VPS53: variants seen among roughly 807,000 people sequenced by gnomAD.
VPS53 encodes VPS53 subunit of GARP complex.
A neutral mutation model predicts 107.0 loss-of-function variants in VPS53; 70 were observed. The ratio of observed to expected loss-of-function variants is 0.65; its 90% CI spans 0.54 to 0.80. VPS53 has a LOEUF of 0.80. Among genes scored for constraint, VPS53 ranks in the 30% least tolerant of loss-of-function variants. VPS53 has a pLI of 0.00. For synonymous variants in VPS53, 409 were observed against 393.3 expected (o/e 1.04, Z -0.47); for missense variants, 917 against 1,049.4 (o/e 0.87, Z 1.74).
intron 17 of VPS53, among the ~76,000 whole-genome samples, chr17:549,949 T>C (rs774344726): frequency 2.0e-5 from 3 of 152,378 alleles, no homozygotes; most frequent in Admixed American, 6.5e-5. Flanking sequence ...GGTTTTAATC[T>C]TATTTTTGTT....
chr17:676,751 G>A (rs761312116), intron 4 of VPS53, among the ~76,000 whole-genome samples: 65 of 152,188 alleles, frequency 4.3e-4, no homozygotes, highest in Non-Finnish European at 8.8e-4. Context: ...CAATAATCAT[G>A]TTGCAGAAAA....
chr17:616,043 C>T (rs1969119519), intron 11 of VPS53: 1 of 152,302 alleles, frequency 6.6e-6, no homozygotes, highest in Admixed American at 6.5e-5. Context: ...GCCTTCACGT[C>T]TCCTCACAGC....
At chr17:601,586 C>T (rs1359228075) in intron 12 of VPS53, among the ~76,000 whole-genome samples, 1 of 152,206 alleles carries the variant, frequency 6.6e-6, no homozygotes, top group East Asian at 1.9e-4. Flanking sequence ...GGAGGCGGGG[C>T]TCTTCAGGAG....
chr17:568,417 G>A (rs1913742002), intron 13 of VPS53, among the ~76,000 whole-genome samples: 1 of 111,116 alleles, frequency 9.0e-6, no homozygotes, highest in African/African-American at 4.4e-5. Context: ...AATTTTTGTG[G>A]GCTTTTTTTT....
chr17:535,237 A>C (rs1463469877), intron 18 of VPS53, among the ~76,000 whole-genome samples: 2 of 152,236 alleles, frequency 1.3e-5, no homozygotes, highest in Non-Finnish European at 2.9e-5. Flanking sequence ...GGGGCATCCA[A>C]TTCCCAGCGC....
chr17:561,637 A>T (rs1232703571), intron 14 of VPS53, among the ~76,000 whole-genome samples: 1 of 152,048 alleles, frequency 6.6e-6, no homozygotes, highest in Non-Finnish European at 1.5e-5. Flanking sequence ...TTATTTATTT[A>T]TTTATTTTTT....
At chr17:598,215 G>A (rs1968084231) in intron 12 of VPS53, among the ~76,000 whole-genome samples, 1 of 152,162 alleles carries the variant, frequency 6.6e-6, no homozygotes, top group Admixed American at 6.5e-5. Context: ...CGCCAGCCTC[G>A]GCCTCCCGAG....
intron 5 of VPS53, chr17:656,688 G>A: frequency 1.7e-6 from 1 of 596,368 alleles, no homozygotes. Flanking sequence ...CTTGGTCCAT[G>A]CTGACTAAGA....
intron 15 of VPS53, among the ~76,000 whole-genome samples, chr17:557,145 G>A (rs758639188): frequency 8.5e-5 from 13 of 152,096 alleles, no homozygotes; most frequent in African/African-American, 2.9e-4. Flanking sequence ...GAGCCACCGC[G>A]CCCCCACTCT....
chr17:642,428 G>C (rs75771903), intron 7 of VPS53, among the ~76,000 whole-genome samples: 19 of 147,378 alleles, frequency 1.3e-4, no homozygotes, highest in Admixed American at 2.0e-4. Flanking sequence ...TACTTGGAAA[G>C]CGAGGACAAC....
intron 7 of VPS53, among the ~76,000 whole-genome samples, chr17:632,271 C>CAACA (rs1461101376): frequency 2.0e-5 from 3 of 152,078 alleles, no homozygotes; most frequent in African/African-American, 7.3e-5. Context: ...TAACAAACAA[C>CAACA]AACAAATAAA....
At chr17:597,388 G>T (rs1402556517) in intron 12 of VPS53, among the ~76,000 whole-genome samples, 2 of 152,148 alleles carry the variant, frequency 1.3e-5, no homozygotes, top group Non-Finnish European at 2.9e-5. Flanking sequence ...GGAGATCCTG[G>T]GGCGCCCACC....
chr17:604,938 G>A (rs1273285208), intron 11 of VPS53, among the ~76,000 whole-genome samples: 2 of 152,304 alleles, frequency 1.3e-5, no homozygotes, highest in South Asian at 4.1e-4. Context: ...CCCTCATGGA[G>A]ATTAGAGTCT....
At chr17:660,888 G>A (rs1289616306) in intron 5 of VPS53, among the ~76,000 whole-genome samples, 1 of 152,208 alleles carries the variant, frequency 6.6e-6, no homozygotes, top group African/African-American at 2.4e-5. Context: ...ACATTATTGA[G>A]TCTGAATCTG....
chr17:620,195 T>C (rs960549605), intron 11 of VPS53, among the ~76,000 whole-genome samples: 1 of 152,226 alleles, frequency 6.6e-6, no homozygotes, highest in Non-Finnish European at 1.5e-5. Context: ...TGAGCCCAAG[T>C]AGGCAGGACC....
intron 15 of VPS53, among the ~76,000 whole-genome samples, chr17:558,821 TA>T (rs35915328): frequency 0.066 from 8,907 of 134,932 alleles, 427 homozygotes; most frequent in East Asian, 0.25. Context: ...CCATCTCTAC[TA>T]AAAAAAAAAA....
intron 9 of VPS53, among the ~76,000 whole-genome samples, chr17:627,532 C>T (rs973682865): frequency 1.3e-5 from 2 of 152,168 alleles, no homozygotes; most frequent in Admixed American, 1.3e-4. Flanking sequence ...AATCCCAGCA[C>T]TTTGGGAGGC....
intron 8 of VPS53, among the ~76,000 whole-genome samples, chr17:629,766 AAAAAGAAAAG>A (rs770459392): frequency 2.4e-4 from 36 of 150,484 alleles, no homozygotes; most frequent in Non-Finnish European, 4.9e-4. Flanking sequence ...CCATCTCAAA[AAAAAGAAAAG>A]AAAAGAAAAC....
intron 13 of VPS53, among the ~76,000 whole-genome samples, chr17:566,620 G>A (rs1269270597): frequency 6.6e-6 from 1 of 152,210 alleles, no homozygotes; most frequent in Non-Finnish European, 1.5e-5. Context: ...AGGAGAACAT[G>A]GAACAGAAGG....
Sources: gnomAD v4.1 joint callset for allele counts (sites outside exome capture counted in the v4.1 genomes callset) on GRCh38, gnomAD v4.1.1 for gene constraint, MANE v1.5 for transcripts, NCBI Gene and HGNC (gene_info 2026-07-23, HGNC 2026-07-21) for gene names.